CCNJL: variants seen among roughly 807,000 people sequenced by gnomAD.
CCNJL encodes cyclin-J-like protein.
A neutral mutation model predicts 33.4 loss-of-function variants in CCNJL; 33 were observed. That is an observed-to-expected ratio of 0.99 (90% CI 0.75 to 1.32). CCNJL has a LOEUF of 1.32. Among genes scored for constraint, CCNJL ranks in the 40% most tolerant of loss-of-function variants. The pLI is 0.00. For missense variants in CCNJL, 512 were observed against 499.7 expected, an observed-to-expected ratio of 1.02 and a Z score of -0.23; for synonymous variants, 227 against 220.9, an observed-to-expected ratio of 1.03 and a Z score of -0.24.
intron 4 of CCNJL, among the ~76,000 whole-genome samples, chr5:160,256,305 C>T (rs1365340018): frequency 6.6e-6 from 1 of 152,146 alleles, no homozygotes; most frequent in Admixed American, 6.5e-5. Context: ...AAACATTTGT[C>T]CTTTCTTTGG....
In CCNJL at chr5:160,251,406, C is replaced by T. The variant is rs964562172; in HGVS notation, c.*1972G>A. 1 of 152,204 alleles carries T rather than the reference C, an allele frequency of 6.6e-6. No homozygotes were observed. The highest frequency in any genetic ancestry group is 1.9e-4 in the East Asian group (1 of 5,202). The allele number at this position is 152,204 out of a possible 1,614,324, so 9.4% of individuals were successfully genotyped here. A position where few individuals can be genotyped will look rare whatever the true frequency, so the allele number is the denominator to read the frequency against. ...AAAATAAATCTCTCTCCATATATAT[C>T]CTACTGGTTTCTTTGGAAAAACCCT... is the stretch of plus-strand genomic sequence containing the variant. On this transcript the variant is annotated 3_prime_UTR_variant, in exon 6 of 6. Transcript: ENST00000257536.
rs1760809705 is a variant in CCNJL at position 160,251,698 on chromosome 5, C to T, written c.*1680G>A. The T allele has an allele frequency of 6.6e-6, 1 of 152,160 alleles. No homozygotes were observed. The highest frequency in any genetic ancestry group is 1.5e-5 in the Non-Finnish European group (1 of 68,044). 9.4% of individuals were successfully genotyped at this position (152,160 alleles called of 1,614,324 possible). On this transcript the variant is annotated 3_prime_UTR_variant, in exon 6 of 6. Coordinates refer to ENST00000257536, the MANE Select transcript of CCNJL (RefSeq NM_001308173.3). ...CGTGTTTATTGTGGGACGCCTCTTT[C>T]TGGGGGTCGTGCTGGCTGTGAGGGA...
chr5:160,263,868 A>G (rs187540808), intron 3 of CCNJL, among the ~76,000 whole-genome samples: 22 of 151,962 alleles, frequency 1.4e-4, no homozygotes, highest in South Asian at 8.3e-4. Context: ...TTTAAAAATC[A>G]TATCATTCCA....
upstream of CCNJL, chr5:160,315,498 C>A: frequency 2.7e-6 from 1 of 371,094 alleles, no homozygotes; most frequent in Non-Finnish European, 5.7e-6. Context: ...CAGAGCGAGA[C>A]ACTGCCTCTG....
At chr5:160,320,758 C>T (rs1250066851) in intron 1 of CCNJL, among the ~76,000 whole-genome samples, 1 of 151,666 alleles carries the variant, frequency 6.6e-6, no homozygotes, top group East Asian at 1.9e-4. Context: ...GACTTTGCCT[C>T]TTTCTTTTCT....
At chr5:160,266,137 C>T (rs2113278207) in intron 3 of CCNJL, among the ~76,000 whole-genome samples, 1 of 152,354 alleles carries the variant, frequency 6.6e-6, no homozygotes, top group East Asian at 1.9e-4. Context: ...CTTGCCTTTT[C>T]CCAGGTGGGG....
chr5:160,337,543 G>A (rs1156425184), intron 1 of CCNJL, among the ~76,000 whole-genome samples: 4 of 151,986 alleles, frequency 2.6e-5, no homozygotes, highest in African/African-American at 7.3e-5. Flanking sequence ...CCTTTCTGAG[G>A]TCATCACCTG....
chr5:160,308,262 A>T (rs963868314), intron 2 of CCNJL, among the ~76,000 whole-genome samples: 2 of 152,216 alleles, frequency 1.3e-5, no homozygotes, highest in East Asian at 3.8e-4. Context: ...TATCTCACTT[A>T]ATCTTAACAT....
intron 3 of CCNJL, among the ~76,000 whole-genome samples, chr5:160,263,638 A>G (rs1761443374): frequency 6.6e-6 from 1 of 152,216 alleles, no homozygotes; most frequent in African/African-American, 2.4e-5. Flanking sequence ...AGTCCTAGGA[A>G]ACGTCACTTT....
intron 2 of CCNJL, among the ~76,000 whole-genome samples, chr5:160,309,822 T>C (rs1763206523): frequency 6.6e-6 from 1 of 152,216 alleles, no homozygotes; most frequent in East Asian, 1.9e-4. Flanking sequence ...TAAGTCAAGG[T>C]TGACCTTGGC....
At chr5:160,330,451 G>A (rs1021285131) in intron 1 of CCNJL, among the ~76,000 whole-genome samples, 4 of 152,058 alleles carry the variant, frequency 2.6e-5, no homozygotes, top group Non-Finnish European at 5.9e-5. Context: ...TGCCGCCTCC[G>A]CACCATGGGC....
chr5:160,273,677 C>T (rs1434110176), intron 3 of CCNJL, among the ~76,000 whole-genome samples: 2 of 126,148 alleles, frequency 1.6e-5, no homozygotes, highest in African/African-American at 3.1e-5. Flanking sequence ...GACAGAGTCT[C>T]ACTCTGTCAT....
chr5:160,298,267 T>C (rs970981249), intron 2 of CCNJL, among the ~76,000 whole-genome samples: 2 of 151,682 alleles, frequency 1.3e-5, no homozygotes, highest in Non-Finnish European at 2.9e-5. Context: ...GGCTGAGGCA[T>C]GAGAATCGCT....
intron 1 of CCNJL, chr5:160,326,662 C>T (rs940139303): frequency 1.7e-5 from 13 of 760,304 alleles, no homozygotes; most frequent in East Asian, 1.2e-4. Flanking sequence ...TTGAAATCAG[C>T]GGGTGGGTGT....
At chr5:160,337,893 A>G (rs2113487251) in intron 1 of CCNJL, among the ~76,000 whole-genome samples, 1 of 152,310 alleles carries the variant, frequency 6.6e-6, no homozygotes, top group East Asian at 1.9e-4. Context: ...TACAGATCAC[A>G]CACATACTCT....
intron 1 of CCNJL, among the ~76,000 whole-genome samples, chr5:160,320,883 T>TTCTTTCTCTC (rs1763442010): frequency 7.3e-6 from 1 of 137,560 alleles, no homozygotes; most frequent in Admixed American, 7.2e-5. Context: ...CTTTCTTTCT[T>TTCTTTCTCTC]TTTCTTTCTT....
intron 2 of CCNJL, among the ~76,000 whole-genome samples, chr5:160,295,567 C>T (rs941284647): frequency 9.9e-5 from 15 of 152,110 alleles, no homozygotes; most frequent in South Asian, 2.1e-4. Flanking sequence ...TCAGGATAGG[C>T]GCTAATCAGT....
intron 2 of CCNJL, among the ~76,000 whole-genome samples, chr5:160,281,658 T>C (rs1208817859): frequency 6.6e-6 from 1 of 152,104 alleles, no homozygotes; most frequent in African/African-American, 2.4e-5. Flanking sequence ...GTTTGTTTGT[T>C]TGTTTGTTTA....
At chr5:160,326,683 A>T in intron 1 of CCNJL, 1 of 873,092 alleles carries the variant, frequency 1.1e-6, no homozygotes, top group South Asian at 1.3e-5. Context: ...GCTCTTTGTG[A>T]AATTCCACCA....
Sources: allele counts gnomAD v4.1 joint callset (sites outside exome capture counted in the v4.1 genomes callset), GRCh38; gene constraint gnomAD v4.1.1; transcripts MANE v1.5; gene names NCBI Gene and HGNC (gene_info 2026-07-23, HGNC 2026-07-21).